AGBL3: variants seen among roughly 807,000 people sequenced by gnomAD.
AGBL3 encodes the protein AGBL carboxypeptidase 3, also known as cytosolic carboxypeptidase 3.
AGBL3 carries 68 observed loss-of-function variants against 94.5 expected under a neutral mutation model. The observed-to-expected ratio is 0.72, with a 90% CI of 0.59 to 0.88. The LOEUF is 0.88. Ranked by LOEUF, AGBL3 falls within the 40% of genes least tolerant of loss-of-function variation. The probability of loss-of-function intolerance (pLI) is 0.00; values close to 1 mark genes in which losing one functional copy is unlikely to be tolerated. For missense variants in AGBL3, 934 were observed against 1,103.8 expected, an observed-to-expected ratio of 0.85 and a Z score of 2.18; for synonymous variants, 354 against 370.7, an observed-to-expected ratio of 0.95 and a Z score of 0.52.
intron 11 of AGBL3, among the ~76,000 whole-genome samples, chr7:135,055,321 G>A (rs935966737): frequency 3.3e-5 from 5 of 152,196 alleles, no homozygotes; most frequent in African/African-American, 9.7e-5. Flanking sequence ...ATGATACTGA[G>A]TAGAAGTGCT....
At chr7:135,094,553 CAT>C in intron 15 of AGBL3, 2 of 456,578 alleles carry the variant, frequency 4.4e-6, no homozygotes, top group Non-Finnish European at 8.8e-6. Context: ...ACCAGGTTCT[CAT>C]AGAGCCAAGA....
intron 12 of AGBL3, among the ~76,000 whole-genome samples, chr7:135,072,400 C>T (rs1820007364): frequency 6.6e-6 from 1 of 152,154 alleles, no homozygotes; most frequent in Admixed American, 6.5e-5. Context: ...TTGACCCAGC[C>T]TTCCCATTAC....
At chr7:134,992,253 G>C (rs1810380834) in intron 3 of AGBL3, among the ~76,000 whole-genome samples, 1 of 152,172 alleles carries the variant, frequency 6.6e-6, no homozygotes. Context: ...TTGCCTTTCA[G>C]CTTTGTTAGA....
chr7:134,991,201 T>TTG (rs1489064986), intron 3 of AGBL3, among the ~76,000 whole-genome samples: 2 of 80,428 alleles, frequency 2.5e-5, no homozygotes, highest in Non-Finnish European at 5.1e-5. Context: ...TGTGTGTGGG[T>TTG]GGGGGGGGGG....
At chr7:134,997,594 A>C (rs577075340) in intron 4 of AGBL3, among the ~76,000 whole-genome samples, 23 of 152,278 alleles carry the variant, frequency 1.5e-4, no homozygotes, top group Middle Eastern at 3.4e-3. Flanking sequence ...CAGGGGTCAA[A>C]ATTGATACTG....
chr7:135,104,206 T>C (rs1220959189), intron 15 of AGBL3, among the ~76,000 whole-genome samples: 2 of 152,196 alleles, frequency 1.3e-5, no homozygotes, highest in South Asian at 2.1e-4. Flanking sequence ...CTAAGGTTAA[T>C]GGCCTCCACC....
chr7:135,105,724 G>A (rs79255049), intron 15 of AGBL3, among the ~76,000 whole-genome samples: 5,583 of 152,062 alleles, frequency 0.037, 330 homozygotes, highest in African/African-American at 0.13. Context: ...GCTTTTGTTT[G>A]TTTGTTTGTT....
chr7:135,027,328 G>A (rs534423512), intron 5 of AGBL3, among the ~76,000 whole-genome samples: 3 of 151,820 alleles, frequency 2.0e-5, no homozygotes, highest in South Asian at 4.2e-4. Flanking sequence ...GATTACAGGC[G>A]TGAGCCTCTG....
chr7:135,060,275 A>G lies in AGBL3; in HGVS notation c.1908+1040A>G, dbSNP rs1483004298. 2.6e-5 allele frequency among the ~76,000 whole-genome samples: 4 copies of G among 152,124 alleles called. No individual in the cohort carries two copies. In the East Asian group the frequency reaches 5.8e-4, roughly 22 times the overall value. On this transcript the variant is annotated intron_variant, in intron 12 of 16. Coordinates refer to ENST00000436302, the MANE Select transcript of AGBL3 (RefSeq NM_178563.4). ...TCATTCTTCAATTCATTTATTTTTAATAAGTAAAAATTATATATATTTATT... is the reference window on the plus strand; with the variant it reads ...TCATTCTTCAATTCATTTATTTTTAGTAAGTAAAAATTATATATATTTATT...
In AGBL3 at chr7:134,989,219, A is replaced by G; in HGVS notation, c.64-31A>G. 2.7e-6 allele frequency: 4 copies of G among 1,498,766 alleles called. No individual in the cohort carries two copies. The South Asian group carries it at 3.8e-5, about 14-fold the overall frequency. 92.8% of individuals were successfully genotyped at this position (1,498,766 alleles called of 1,614,324 possible). A position where few individuals can be genotyped will look rare whatever the true frequency, so the allele number is the denominator to read the frequency against. The stretch of plus-strand genomic sequence containing the variant: ...TGGATTTGAAAACTGTTGGTTTTTA[A>G]AAGAGAAATATTTTTAAATTCTTAT... On this transcript the variant is annotated intron_variant, in intron 2 of 16. Coordinates refer to ENST00000436302, the MANE Select transcript of AGBL3 (RefSeq NM_178563.4).
intron 13 of AGBL3, among the ~76,000 whole-genome samples, chr7:135,077,621 G>A (rs1798198450): frequency 6.6e-6 from 1 of 152,090 alleles, no homozygotes; most frequent in Non-Finnish European, 1.5e-5. Flanking sequence ...TATTACTGGT[G>A]GAAGTTATCT....
intron 4 of AGBL3, chr7:135,009,911 G>A (rs144405005): frequency 4.3e-5 from 15 of 345,596 alleles, no homozygotes; most frequent in East Asian, 1.1e-4. Context: ...CTGTCTTTTC[G>A]CAGACTTTGG....
chr7:135,088,433 G>A (rs1821505681), intron 15 of AGBL3, among the ~76,000 whole-genome samples: 1 of 151,920 alleles, frequency 6.6e-6, no homozygotes, highest in Non-Finnish European at 1.5e-5. Context: ...ATACTGATAA[G>A]GTTTAATTCT....
At position 135,081,731 on chromosome 7, in the gene AGBL3, A is replaced by G. The variant is rs534115286; in HGVS notation, c.2051A>G (p.Asn684Ser). The G allele has an allele frequency of 9.7e-6, 15 of 1,540,402 alleles. No homozygotes were observed. In the East Asian group the frequency reaches 3.2e-4, roughly 33 times the overall value. Residue 684 changes from asparagine (N) to serine (S), a missense_variant, in exon 15 of 17, where the codon AAT (asparagine) becomes AGT (serine). Transcript: ENST00000436302. ...SNSDVKDTRP[N>S]EPDDYMVDYF... ...TCATCTTCTCTAGATACAAGGCCAAATGAACCAGATGATTATATGGTTGAT... is the reference window on the plus strand; with the variant it reads ...TCATCTTCTCTAGATACAAGGCCAAGTGAACCAGATGATTATATGGTTGAT...
chr7:134,996,147 G>C (rs1810980089), intron 4 of AGBL3, among the ~76,000 whole-genome samples: 1 of 152,198 alleles, frequency 6.6e-6, no homozygotes, highest in South Asian at 2.1e-4. Context: ...GGTGCAGCAA[G>C]AGAAAGATAC....
rs1328499401 is a variant in AGBL3, at chr7:134,986,587, C to T, written c.-174C>T. ...GGCGTTACTTCTAGCGGCTGGATAC[C>T]GGGTTCTCCGCGAGATCGCGAGATC... is the stretch of plus-strand genomic sequence containing the variant. On this transcript the variant is annotated 5_prime_UTR_variant, in exon 1 of 17. Transcript: ENST00000436302. 1 of 88,914 alleles carries T rather than the reference C, an allele frequency of 1.1e-5. No individual in the cohort carries two copies. Among genetic ancestry groups the T allele is most frequent in the Non-Finnish European group, 2.2e-5 (1 of 44,536 alleles). 5.5% of individuals were successfully genotyped at this position (88,914 alleles called of 1,614,324 possible).
intron 8 of AGBL3, among the ~76,000 whole-genome samples, chr7:135,042,747 G>GA (rs372182748): frequency 7.6e-4 from 116 of 152,034 alleles, no homozygotes; most frequent in African/African-American, 2.6e-3. Context: ...CCATTTCTGT[G>GA]AAAAAAATAC....
At chr7:135,028,788 A>G (rs2116385771) in intron 5 of AGBL3, among the ~76,000 whole-genome samples, 1 of 152,356 alleles carries the variant, frequency 6.6e-6, no homozygotes, top group Non-Finnish European at 1.5e-5. Context: ...GTAATTCTCT[A>G]GGCCAGCTAT....
intron 4 of AGBL3, among the ~76,000 whole-genome samples, chr7:135,014,468 C>T (rs1304691825): frequency 2.0e-5 from 3 of 152,116 alleles, no homozygotes; most frequent in East Asian, 3.9e-4. Context: ...AAAGTGGGAT[C>T]ACCCAAAGAT....
Sources: allele counts gnomAD v4.1 joint callset (sites outside exome capture counted in the v4.1 genomes callset), GRCh38; gene constraint gnomAD v4.1.1; transcripts MANE v1.5; gene names NCBI Gene and HGNC (gene_info 2026-07-23, HGNC 2026-07-21).